G3BP1: variants seen among roughly 807,000 people sequenced by gnomAD.
The protein encoded by G3BP1 is ras GTPase-activating protein-binding protein 1.
In G3BP1, 35 loss-of-function variants were observed where a neutral mutation model predicts 58.6. That is an observed-to-expected ratio of 0.60 (90% CI 0.46 to 0.79). The LOEUF (loss-of-function observed/expected upper bound fraction) is 0.79. G3BP1 is among the 30% of genes least tolerant of loss of function. The pLI, the probability that G3BP1 is intolerant of heterozygous loss-of-function variation, is 0.00. For missense variants in G3BP1, 523 were observed against 580.8 expected, an observed-to-expected ratio of 0.90 and a Z score of 1.02; for synonymous variants, 191 against 195.4, an observed-to-expected ratio of 0.98 and a Z score of 0.19.
In G3BP1 at chr5:151,800,770, C is replaced by T. The variant is rs201690048; in HGVS notation, c.1095C>T (p.Asn365=). Residue 365 remains asparagine (N), a synonymous_variant, in exon 11 of 12, where the codon AAC becomes AAT. Transcript: ENST00000356245. ...GTGTTTCACTTGCAGGTTATGGAAA[C>T]GTGGTGGAGTTGCGCATTAACAGTG... The part of the protein sequence containing the change: ...ELKDFFQSYG[N]VVELRINSGG... The T allele has an allele frequency of 1.0e-5, 16 of 1,604,254 alleles. No homozygotes were observed. In the East Asian group the frequency reaches 2.2e-4, roughly 22 times the overall value.
In G3BP1 at chr5:151,807,640, A is replaced by G. The variant is rs1214606982; in HGVS notation, c.*3549A>G. 1 of 152,222 alleles carries G rather than the reference A, an allele frequency of 6.6e-6. No homozygotes were observed. The highest frequency in any genetic ancestry group is 1.5e-5 in the Non-Finnish European group (1 of 68,028). The allele number at this position is 152,222 out of a possible 1,614,324, so 9.4% of individuals were successfully genotyped here. A position where few individuals can be genotyped will look rare whatever the true frequency, so the allele number is the denominator to read the frequency against. On this transcript the variant is annotated 3_prime_UTR_variant, in exon 12 of 12. Transcript: ENST00000356245. ...TGAATAATAATATTTTTATTATAGT[A>G]TAATCCAGGTGAGTTTATAGAATTT...
At chr5:151,790,186 G>A in intron 2 of G3BP1, 137 bp from the exon 3 acceptor site, 1 of 449,244 alleles carries the variant, frequency 2.2e-6, no homozygotes, top group Non-Finnish European at 4.1e-6. Flanking sequence ...AGCTATGATT[G>A]CATCACTGCA....
chr5:151,795,873 A>G (rs1762740397), intron 6 of G3BP1, among the ~76,000 whole-genome samples: 1 of 152,174 alleles, frequency 6.6e-6, no homozygotes, highest in Non-Finnish European at 1.5e-5. Flanking sequence ...CAAGAGTTGA[A>G]TGTATTGAGG....
chr5:151,792,955 T>C (rs1453456300), intron 4 of G3BP1, among the ~76,000 whole-genome samples: 1 of 152,120 alleles, frequency 6.6e-6, no homozygotes, highest in African/African-American at 2.4e-5. Flanking sequence ...CCTTAGAAAC[T>C]GAATAACTCA....
At chr5:151,787,548 A>G (rs1254759639) in intron 2 of G3BP1, among the ~76,000 whole-genome samples, 1 of 152,210 alleles carries the variant, frequency 6.6e-6, no homozygotes, top group East Asian at 1.9e-4. Flanking sequence ...TAATACTTGT[A>G]TCCCATTAAT....
intron 7 of G3BP1, among the ~76,000 whole-genome samples, chr5:151,798,158 A>C (rs1762788632): frequency 6.6e-6 from 1 of 152,208 alleles, no homozygotes; most frequent in African/African-American, 2.4e-5. Context: ...GGTGAGTAGG[A>C]AAGAGCAATG....
chr5:151,799,792 C>A, intron 8 of G3BP1, 97 bp from the exon 9 acceptor site: 1 of 685,504 alleles, frequency 1.5e-6, no homozygotes, highest in South Asian at 1.8e-5. Context: ...GGGAATTGTC[C>A]ATTTTGTAGT....
rs1039075470 is a variant in G3BP1 at position 151,797,294 on chromosome 5, G to A, written c.607G>A (p.Glu203Lys). ...EPEPDPEPEP[E>K]QEPVSEIQEE... ...AGAGCCTGATCCTGAACCAGAACCA[G>A]AACAAGAACCTGTATCTGAAATCCA... The change falls in exon 7 of 12, where the codon GAA becomes AAA. Residue 203 changes from glutamate to lysine, a missense_variant. Physicochemically the swap from Glu to Lys is moderately conservative, Grantham distance 56. Coordinates refer to ENST00000356245, the MANE Select transcript of G3BP1 (RefSeq NM_005754.3). 4 of 1,613,494 alleles carry A rather than the reference G, an allele frequency of 2.5e-6. No homozygotes were observed. The highest frequency in any genetic ancestry group is 3.3e-5 in the Admixed American group (2 of 59,994).
At position 151,797,338 on chromosome 5, in the gene G3BP1, A is replaced by C. The variant is rs147296160; in HGVS notation, c.651A>C (p.Pro217=). The C allele has an allele frequency of 5.1e-5, 83 of 1,614,130 alleles. No individual in the cohort carries two copies. In the African/African-American group the frequency reaches 9.1e-4, roughly 18 times the overall value. Residue 217 remains proline, a synonymous_variant, in exon 7 of 12, where the codon CCA becomes CCC. Transcript: ENST00000356245. The part of the protein sequence containing the change: ...VSEIQEEKPE[P]VLEETAPEDA... ...AAATCCAAGAGGAAAAGCCTGAGCC[A>C]GTATTAGAAGAAACTGCCCCTGAGG... is the stretch of plus-strand genomic sequence containing the variant.
At chr5:151,798,145 A>G (rs935109664) in intron 7 of G3BP1, among the ~76,000 whole-genome samples, 2 of 151,052 alleles carry the variant, frequency 1.3e-5, no homozygotes, top group Admixed American at 1.3e-4. Context: ...CTGGCAGCTA[A>G]TAGGTGAGTA....
At chr5:151,787,258 TA>T (rs1762569027) in intron 2 of G3BP1, 1 of 152,410 alleles carries the variant, frequency 6.6e-6, no homozygotes, top group East Asian at 1.9e-4. Context: ...CATTATTTAC[TA>T]AGAATGTATT....
rs757200884 is a variant in G3BP1 at position 151,804,084 on chromosome 5, G to A, written c.1394G>A (p.Arg465Gln). ...GGAGTGGGAAGGGGGCTTGCGCCAC[G>A]GCAGTGAATCTTCATGGATCTTCAT... ...GFGVGRGLAP[R>Q]Q Residue 465 changes from arginine to glutamine, a missense_variant, in exon 12 of 12, where the codon CGG becomes CAG. This residue lies in a region of G3BP1 where 125 missense variants were observed against 181.7 expected (regional missense o/e 0.69). Coordinates refer to ENST00000356245, the MANE Select transcript of G3BP1 (RefSeq NM_005754.3). 14 of 1,596,292 alleles carry A rather than the reference G, an allele frequency of 8.8e-6. No individual in the cohort carries two copies. The highest frequency in any genetic ancestry group is 8.7e-5 in the Admixed American group (5 of 57,728).
chr5:151,773,192 CTT>C (rs1158314981), intron 1 of G3BP1, among the ~76,000 whole-genome samples: 7 of 151,960 alleles, frequency 4.6e-5, no homozygotes, highest in Admixed American at 6.5e-5. Flanking sequence ...TTGGAGGAGA[CTT>C]TTGCAGAAAG....
Position 151,799,195 on chromosome 5 carries a change from T to C in G3BP1, c.742-17T>C, listed in dbSNP as rs374475542. 11 of 1,208,300 alleles carry C rather than the reference T, an allele frequency of 9.1e-6. No homozygotes were observed. The highest frequency in any genetic ancestry group is 1.9e-4 in the Middle Eastern group (1 of 5,310). 74.8% of individuals were successfully genotyped at this position (1,208,300 alleles called of 1,614,324 possible). On this transcript the variant is annotated splice_polypyrimidine_tract_variant and intron_variant, in intron 7 of 11. Coordinates refer to ENST00000356245, the MANE Select transcript of G3BP1 (RefSeq NM_005754.3). ...GATACCTGGTATAATTATGTAATGT[T>C]GGTATTGCTCCCTTAGACATTTTCT...
Position 151,799,299 on chromosome 5 carries a change from G to A in G3BP1, c.829G>A (p.Val277Ile), listed in dbSNP as rs753938313. 4 of 1,555,858 alleles carry A rather than the reference G, an allele frequency of 2.6e-6. No homozygotes were observed. In the African/African-American group the frequency reaches 5.4e-5, roughly 21 times the overall value. Residue 277 changes from valine to isoleucine, a missense_variant, in exon 8 of 12, where the codon GTA (valine) becomes ATA (isoleucine). Around this residue, in one of 2 missense-constraint regions of G3BP1, gnomAD observed 398 missense variants for 399.1 expected, o/e 1.00. Coordinates refer to ENST00000356245, the MANE Select transcript of G3BP1 (RefSeq NM_005754.3). ...VTGIPPHVVKVPASQPRPESK... is the reference protein window; with the variant it reads ...VTGIPPHVVKIPASQPRPESK... ...TGGGATACCACCTCATGTTGTTAAA[G>A]TACCAGCTTCACAGGTAAGGTCCTA...
At chr5:151,773,234 GGGAATGA>G (rs1359022101) in intron 1 of G3BP1, among the ~76,000 whole-genome samples, 2 of 152,162 alleles carry the variant, frequency 1.3e-5, no homozygotes, top group Non-Finnish European at 2.9e-5. Flanking sequence ...TATAGTTGAA[GGGAATGA>G]GGTGCAAAGC....
intron 4 of G3BP1, 36 bp from the exon 5 acceptor site, chr5:151,794,123 T>C (rs1340726607): frequency 1.6e-6 from 2 of 1,266,910 alleles, no homozygotes; most frequent in Non-Finnish European, 2.3e-6. Context: ...TCTAAAAGTC[T>C]GTTGAATAAA....
chr5:151,776,494 A>G (rs906038165), intron 1 of G3BP1, among the ~76,000 whole-genome samples: 2 of 152,176 alleles, frequency 1.3e-5, no homozygotes, highest in African/African-American at 4.8e-5. Flanking sequence ...CCATGGAAAT[A>G]AAGTTCCCCT....
In G3BP1 at chr5:151,806,457, C is replaced by T. The variant is rs1380230111; in HGVS notation, c.*2366C>T. 1 of 152,150 alleles carries T rather than the reference C, an allele frequency of 6.6e-6. No individual in the cohort carries two copies. The allele number at this position is 152,150 out of a possible 1,614,324, so 9.4% of individuals were successfully genotyped here. ...AATCTCAGAAAATAGAAAGCTTCCC[C>T]AGTGCTTTCTGTCATCAGAGTTGGG... On this transcript the variant is annotated 3_prime_UTR_variant, in exon 12 of 12. Transcript: ENST00000356245.
Sources: gnomAD v4.1 joint callset for allele counts (sites outside exome capture counted in the v4.1 genomes callset) on GRCh38, gnomAD v4.1.1 for gene constraint, gnomAD v4.1.1 regional missense constraint, MANE v1.5 for transcripts, NCBI Gene and HGNC (gene_info 2026-07-23, HGNC 2026-07-21) for gene names.